Variants in ATAT1 observed in about 807,000 individuals in gnomAD.
ATAT1 encodes alpha tubulin acetyltransferase 1.
In ATAT1, 42 loss-of-function variants were observed where a neutral mutation model predicts 57.2. The ratio of observed to expected loss-of-function variants is 0.73; its 90% CI spans 0.57 to 0.95. ATAT1 has a LOEUF of 0.95. Ranked by LOEUF, ATAT1 falls within the 40% of genes least tolerant of loss-of-function variation. ATAT1 has a pLI of 0.00. For synonymous variants in ATAT1, 168 were observed against 187.1 expected (o/e 0.90, Z 0.83); for missense variants, 454 against 523.7 (o/e 0.87, Z 1.30).
rs2269708 is a variant in ATAT1, at chr6:30,644,191, T to C, written c.932+1180T>C. On this transcript the variant is annotated intron_variant, in intron 10 of 12. Coordinates refer to ENST00000330083, the MANE Select transcript of ATAT1 (RefSeq NM_001031722.4). ...TAGGTGTCAGGGAACCCCAAACTGG[T>C]GTTGCTTTGGGGTCTCTAAAGGAGA... 4,419 of 985,672 alleles carry C rather than the reference T, an allele frequency of 4.5e-3. 44 individuals are homozygous for C. The highest frequency in any genetic ancestry group is 0.043 in the East Asian group (381 of 8,798). 61.1% of individuals were successfully genotyped at this position (985,672 alleles called of 1,614,324 possible). A position where few individuals can be genotyped will look rare whatever the true frequency, so the allele number is the denominator to read the frequency against.
chr6:30,646,041 C>T, intron 11 of ATAT1, 26 bp from the exon 12 acceptor site: 2 of 1,609,812 alleles, frequency 1.2e-6, no homozygotes, highest in Non-Finnish European at 1.7e-6. Flanking sequence ...CCTGCCTTCC[C>T]ATTCACATGC....
In ATAT1 at chr6:30,627,693, G is replaced by A; in HGVS notation, c.190G>A (p.Val64Ile). 6.2e-7 allele frequency: 1 copy of A among 1,613,060 alleles called. No individual in the cohort carries two copies. The highest frequency in any genetic ancestry group is 8.5e-7 in the Non-Finnish European group (1 of 1,180,032). ...ATCAAGGATGCAGAGTAACCGCCAT[G>A]TTGTTTATATTCTCAAAGACAGTTC... The change falls in exon 3 of 13, where the codon GTT (valine) becomes ATT (isoleucine). Residue 64 changes from valine to isoleucine, a missense_variant. By Grantham distance (29) the Val-to-Ile change is conservative. Around this residue, in one of 3 missense-constraint regions of ATAT1, gnomAD observed 236 missense variants for 284.5 expected, o/e 0.83. Transcript: ENST00000330083.
intron 6 of ATAT1, among the ~76,000 whole-genome samples, chr6:30,636,691 T>C (rs1258791924): frequency 1.3e-5 from 2 of 151,714 alleles, no homozygotes; most frequent in Non-Finnish European, 2.9e-5. Flanking sequence ...GTGGGGGTGA[T>C]GAGGATGGGC....
chr6:30,638,345 T>C (rs1321272541), intron 6 of ATAT1, among the ~76,000 whole-genome samples: 1 of 152,036 alleles, frequency 6.6e-6, no homozygotes, highest in African/African-American at 2.4e-5. Flanking sequence ...CAGGCTGAAG[T>C]ACAGTGGTGC....
In ATAT1 at chr6:30,646,592, C is replaced by T. The variant is rs140635373; in HGVS notation, c.1179C>T (p.Asn393=). ...GGACAGTGGGTGGGGACATACTCAA[C>T]GCCAGGTTCATTCGAAACCTGCAGG... Residue 393 remains asparagine, a synonymous_variant, in exon 13 of 13, where the codon AAC becomes AAT. Transcript: ENST00000330083. The T allele has an allele frequency of 4.9e-4, 781 of 1,577,878 alleles. No individual in the cohort carries two copies. In the Middle Eastern group the frequency reaches 5.8e-3, roughly 12 times the overall value.
chr6:30,638,052 T>G (rs1764525486), intron 6 of ATAT1, among the ~76,000 whole-genome samples: 2 of 152,128 alleles, frequency 1.3e-5, no homozygotes, highest in South Asian at 4.1e-4. Flanking sequence ...TGATTTTTTG[T>G]ATTTTTAGTA....
chr6:30,627,437 C>CT, intron 1 of ATAT1, 23 bp from the exon 2 acceptor site: 1 of 1,610,686 alleles, frequency 6.2e-7, no homozygotes, highest in Non-Finnish European at 8.5e-7. Flanking sequence ...GTATCTGACT[C>CT]TTTATTTCTT....
chr6:30,628,552 T>G, intron 6 of ATAT1, 122 bp downstream of exon 6: 1 of 782,008 alleles, frequency 1.3e-6, no homozygotes, highest in Non-Finnish European at 2.1e-6. Flanking sequence ...AACCAGGCTC[T>G]TTCTTTCTCT....
rs184095095 is a variant in ATAT1 at position 30,636,677 on chromosome 6, G to T, written c.502-3700G>T. Reference sequence around the variant, plus strand: ...TGGAGTGCTGGGCATGTGCTTGTTGGGGGGTGGGGGTGATGAGGATGGGCT... The same window carrying T: ...TGGAGTGCTGGGCATGTGCTTGTTGTGGGGTGGGGGTGATGAGGATGGGCT... On this transcript the variant is annotated intron_variant, in intron 6 of 12. Coordinates refer to ENST00000330083, the MANE Select transcript of ATAT1 (RefSeq NM_001031722.4). 2.6e-5 allele frequency among the ~76,000 whole-genome samples: 4 copies of T among 152,160 alleles called. No individual in the cohort carries two copies. In the East Asian group the frequency reaches 7.7e-4, roughly 29 times the overall value.
At chr6:30,628,891 C>T (rs1762234826) in intron 6 of ATAT1, among the ~76,000 whole-genome samples, 1 of 151,786 alleles carries the variant, frequency 6.6e-6, no homozygotes, top group Non-Finnish European at 1.5e-5. Flanking sequence ...GTGTGAGCCA[C>T]CGCATCTGAC....
chr6:30,636,830 G>C (rs1422251313), intron 6 of ATAT1, among the ~76,000 whole-genome samples: 3 of 151,854 alleles, frequency 2.0e-5, no homozygotes, highest in Admixed American at 2.0e-4. Flanking sequence ...TTTGTATTTT[G>C]AGATGGAGTC....
At position 30,627,544 on chromosome 6, in the gene ATAT1, G is replaced by A. The variant is rs573889543; in HGVS notation, c.132+24G>A. 8 of 1,609,316 alleles carry A rather than the reference G, an allele frequency of 5.0e-6. No homozygotes were observed. The East Asian group carries it at 1.8e-4, about 36-fold the overall frequency. ...AGGTACTGGAGAGTTTTTAGATGGAGTAAAGGGAGGACCTCTGTGGGGATG... is the reference window on the plus strand; with the variant it reads ...AGGTACTGGAGAGTTTTTAGATGGAATAAAGGGAGGACCTCTGTGGGGATG... On this transcript the variant is annotated intron_variant, in intron 2 of 12. Transcript: ENST00000330083.
intron 10 of ATAT1, chr6:30,644,357 A>G: frequency 4.1e-6 from 4 of 985,810 alleles, no homozygotes; most frequent in Non-Finnish European, 4.8e-6. Flanking sequence ...AGGTCCCGAT[A>G]TACTCCTGTC....
chr6:30,634,517 C>T (rs1014206698), intron 6 of ATAT1, among the ~76,000 whole-genome samples: 4 of 150,822 alleles, frequency 2.7e-5, no homozygotes, highest in East Asian at 2.0e-4. Flanking sequence ...CCAAAGTGCT[C>T]GAATTACAGG....
intron 6 of ATAT1, among the ~76,000 whole-genome samples, chr6:30,631,019 G>A (rs1762756031): frequency 1.3e-5 from 2 of 151,920 alleles, no homozygotes; most frequent in South Asian, 2.1e-4. Flanking sequence ...TCTAGCTGGA[G>A]AGACAAACAA....
chr6:30,643,702 T>G, intron 10 of ATAT1: 1 of 1,472,236 alleles, frequency 6.8e-7, no homozygotes, highest in Non-Finnish European at 9.0e-7. Context: ...TTCTACTTTC[T>G]TAGACAGCAG....
chr6:30,643,864 G>C, intron 10 of ATAT1: 1 of 1,285,832 alleles, frequency 7.8e-7, no homozygotes, highest in Non-Finnish European at 9.9e-7. Flanking sequence ...CATTTATCTA[G>C]AGAAGCACAC....
intron 6 of ATAT1, among the ~76,000 whole-genome samples, chr6:30,639,942 T>C (rs1199728085): frequency 1.3e-5 from 2 of 151,940 alleles, no homozygotes; most frequent in East Asian, 3.9e-4. Context: ...GAGACTGGCC[T>C]GGGCATCATA....
At position 30,646,554 on chromosome 6, in the gene ATAT1, C is replaced by CCAGCCCAGT; in HGVS notation, c.1143_1151dup (p.Ala382_Ser384dup). ...AGCTCCTCCACAGGCCCCGGCCCCG[C>CCAGCCCAGT]CAGCCCAGTCCTGGACAGTGGGTGG... On this transcript the variant is annotated inframe_insertion, in exon 13 of 13. Transcript: ENST00000330083. The CCAGCCCAGT allele has an allele frequency of 6.3e-7, 1 of 1,585,816 alleles. No individual in the cohort carries two copies.
Sources: gnomAD v4.1 joint callset for allele counts (sites outside exome capture counted in the v4.1 genomes callset) on GRCh38, gnomAD v4.1.1 for gene constraint, gnomAD v4.1.1 regional missense constraint, MANE v1.5 for transcripts, NCBI Gene and HGNC (gene_info 2026-07-23, HGNC 2026-07-21) for gene names.